LEPR: variants seen among roughly 807,000 people sequenced by gnomAD.
LEPR encodes leptin receptor, also known as OB receptor.
In LEPR, 56 loss-of-function variants were observed where a neutral mutation model predicts 114.7. The ratio of observed to expected loss-of-function variants is 0.49; its 90% confidence interval spans 0.39 to 0.61. The LOEUF is 0.61. Among genes scored for constraint, LEPR ranks in the 20% least tolerant of loss-of-function variants. The probability of loss-of-function intolerance (pLI) is 0.00; values close to 1 mark genes in which losing one functional copy is unlikely to be tolerated. For synonymous variants in LEPR, 443 were observed against 461.4 expected, an observed-to-expected ratio of 0.96 and a Z score of 0.51; for missense variants, 1,202 against 1,352.9, an observed-to-expected ratio of 0.89 and a Z score of 1.75.
Position 65,601,846 on chromosome 1 carries a change from T to G in LEPR, c.1289T>G (p.Val430Gly). 1.9e-6 allele frequency: 3 copies of G among 1,612,014 alleles called. No homozygotes were observed. Among genetic ancestry groups the G allele is most frequent in the Middle Eastern group, 1.7e-4 (1 of 6,056 alleles). Residue 430 changes from valine to glycine, a missense_variant, in exon 10 of 20, where the codon GTC becomes GGC. Val to Gly is a moderately radical substitution (Grantham distance 109). Transcript: ENST00000349533. ...HRYAELYVID[V>G]NINISCETDG... Reference sequence around the variant, plus strand: ...TATTTTAATATGTTTCAAATAGATGTCAATATCAATATCTCATGTGAAACT... The same window carrying G: ...TATTTTAATATGTTTCAAATAGATGGCAATATCAATATCTCATGTGAAACT...
At chr1:65,437,248 A>G (rs565084854) in intron 2 of LEPR, among the ~76,000 whole-genome samples, 2 of 152,140 alleles carry the variant, frequency 1.3e-5, no homozygotes, top group Non-Finnish European at 2.9e-5. Context: ...TCAGCTCTTT[A>G]ATAAAATCAT....
At chr1:65,589,303 T>C (rs373376148) in intron 5 of LEPR, among the ~76,000 whole-genome samples, 3 of 152,078 alleles carry the variant, frequency 2.0e-5, no homozygotes, top group Admixed American at 6.6e-5. Flanking sequence ...GTATTGTAGA[T>C]ACCTTATGTA....
chr1:65,434,945 T>C, intron 2 of LEPR: 2 of 985,536 alleles, frequency 2.0e-6, no homozygotes, highest in Non-Finnish European at 2.4e-6. Flanking sequence ...CTTCTCCACA[T>C]CTGAAATTCC....
intron 2 of LEPR, among the ~76,000 whole-genome samples, chr1:65,485,635 A>G (rs1475480331): frequency 6.6e-6 from 1 of 152,102 alleles, no homozygotes; most frequent in Non-Finnish European, 1.5e-5. Context: ...TCTTTCTGAG[A>G]GGTCAGCCCA....
At chr1:65,511,297 C>T (rs905740695) in intron 2 of LEPR, among the ~76,000 whole-genome samples, 11 of 152,092 alleles carry the variant, frequency 7.2e-5, no homozygotes, top group African/African-American at 2.4e-4. Flanking sequence ...AACCTGGAAT[C>T]TGGTTAGAAA....
At chr1:65,484,395 T>C (rs1041683881) in intron 2 of LEPR, among the ~76,000 whole-genome samples, 2 of 152,186 alleles carry the variant, frequency 1.3e-5, no homozygotes, top group Admixed American at 1.3e-4. Flanking sequence ...CCACACTTTT[T>C]TTTTTAAAAA....
chr1:65,517,641 A>G (rs939422066), intron 2 of LEPR, among the ~76,000 whole-genome samples: 1 of 152,320 alleles, frequency 6.6e-6, no homozygotes, highest in Non-Finnish European at 1.5e-5. Context: ...AATGCTCTGA[A>G]GTTGTAGCTT....
intron 2 of LEPR, among the ~76,000 whole-genome samples, chr1:65,459,957 G>A (rs1254380223): frequency 4.6e-5 from 7 of 151,930 alleles, no homozygotes; most frequent in Non-Finnish European, 1.0e-4. Flanking sequence ...TTTGTTAAAT[G>A]TGACCTCATT....
chr1:65,566,074 A>G (rs1022818081), intron 3 of LEPR, among the ~76,000 whole-genome samples: 1 of 152,168 alleles, frequency 6.6e-6, no homozygotes, highest in Non-Finnish European at 1.5e-5. Flanking sequence ...GTATGAATAT[A>G]TATAAAATTA....
At chr1:65,555,666 A>C (rs552856478) in intron 2 of LEPR, among the ~76,000 whole-genome samples, 1 of 152,316 alleles carries the variant, frequency 6.6e-6, no homozygotes, top group African/African-American at 2.4e-5. Flanking sequence ...TATTATGGCA[A>C]TAATGGGAAT....
At chr1:65,590,433 A>T (rs1052638034) in intron 5 of LEPR, among the ~76,000 whole-genome samples, 17 of 150,988 alleles carry the variant, frequency 1.1e-4, no homozygotes, top group African/African-American at 3.9e-4. Flanking sequence ...TCATGGGAGG[A>T]ACCCAGTGGG....
At chr1:65,622,221 G>A (rs1317151125) in intron 18 of LEPR, among the ~76,000 whole-genome samples, 10 of 152,120 alleles carry the variant, frequency 6.6e-5, no homozygotes, top group Non-Finnish European at 2.9e-5. Context: ...CTTGGAGGTG[G>A]CAAAAATGGC....
intron 5 of LEPR, among the ~76,000 whole-genome samples, chr1:65,586,230 C>CCTTCTTACAGTTTCTTA (rs1655309040): frequency 6.6e-6 from 1 of 150,526 alleles, no homozygotes; most frequent in Admixed American, 6.6e-5. Flanking sequence ...AGTTTTCTTA[C>CCTTCTTACAGTTTCTTA]CTGTAAAGTA....
Position 65,641,267 on chromosome 1 carries a change from T to C in LEPR, c.*4252T>C, listed in dbSNP as rs889617004. The C allele has an allele frequency of 2.6e-5, 4 of 152,328 alleles. No homozygotes were observed. In the East Asian group the frequency reaches 5.8e-4, roughly 22 times the overall value. 9.4% of individuals were successfully genotyped at this position (152,328 alleles called of 1,614,324 possible). On this transcript the variant is annotated 3_prime_UTR_variant, in exon 20 of 20. Transcript: ENST00000349533. Reference sequence around the variant, plus strand: ...GAACTGAGACTGAATTTGGAAGACATTTAATTTTGTAGTGAGATATCTATA... The same window carrying C: ...GAACTGAGACTGAATTTGGAAGACACTTAATTTTGTAGTGAGATATCTATA...
chr1:65,586,285 G>A (rs897121711), intron 5 of LEPR, among the ~76,000 whole-genome samples: 3 of 151,978 alleles, frequency 2.0e-5, no homozygotes, highest in African/African-American at 4.8e-5. Flanking sequence ...AACTGGATTA[G>A]ATAATATTAC....
At chr1:65,460,739 C>T (rs1192041712) in intron 2 of LEPR, among the ~76,000 whole-genome samples, 1 of 151,814 alleles carries the variant, frequency 6.6e-6, no homozygotes, top group Non-Finnish European at 1.5e-5. Context: ...CACCTGTAGT[C>T]CCAACTACAG....
intron 2 of LEPR, among the ~76,000 whole-genome samples, chr1:65,544,771 G>A (rs1197587121): frequency 1.3e-5 from 2 of 150,968 alleles, no homozygotes; most frequent in Non-Finnish European, 2.9e-5. Context: ...TTGATACGTG[G>A]TACAACATTG....
intron 7 of LEPR, among the ~76,000 whole-genome samples, chr1:65,598,095 C>CTTTTTTTTT (rs1226626771): frequency 9.9e-6 from 1 of 101,490 alleles, no homozygotes; most frequent in African/African-American, 4.4e-5. Flanking sequence ...CCTCCTGCCT[C>CTTTTTTTTT]TTTTTTTTTT....
At position 65,640,143 on chromosome 1, in the gene LEPR, C is replaced by T. The variant is rs1202765324; in HGVS notation, c.*3128C>T. 6.6e-6 allele frequency: 1 copy of T among 152,044 alleles called. No homozygotes were observed. The highest frequency in any genetic ancestry group is 2.4e-5 in the African/African-American group (1 of 41,382). 9.4% of individuals were successfully genotyped at this position (152,044 alleles called of 1,614,324 possible). A position where few individuals can be genotyped will look rare whatever the true frequency, so the allele number is the denominator to read the frequency against. ...TAATATCATATATATGGTCACATTA[C>T]TTCAGGAATATTTATATTACCTCCT... On this transcript the variant is annotated 3_prime_UTR_variant, in exon 20 of 20. Coordinates refer to ENST00000349533, the MANE Select transcript of LEPR (RefSeq NM_002303.6).
Sources: gnomAD v4.1 joint callset for allele counts (sites outside exome capture counted in the v4.1 genomes callset) on GRCh38, gnomAD v4.1.1 for gene constraint, MANE v1.5 for transcripts, NCBI Gene and HGNC (gene_info 2026-07-23, HGNC 2026-07-21) for gene names.